LRCH1: variants seen among roughly 807,000 people sequenced by gnomAD.
LRCH1 encodes leucine rich repeats and calponin homology domain containing 1.
In LRCH1, 23 loss-of-function variants were observed where a neutral mutation model predicts 94.9. The observed-to-expected ratio is 0.24, with a 90% CI of 0.17 to 0.34. The LOEUF (loss-of-function observed/expected upper bound fraction) is 0.34, where lower values mean the gene tolerates loss of function less well. Ranked by LOEUF, LRCH1 falls within the 10% of genes least tolerant of loss-of-function variation. The probability of loss-of-function intolerance (pLI) is 1.00; values close to 1 mark genes in which losing one functional copy is unlikely to be tolerated. For missense variants in LRCH1, 790 were observed against 945.9 expected (o/e 0.84, Z 2.16); for synonymous variants, 364 against 354.9 (o/e 1.03, Z -0.29).
chr13:46,677,255 CAAA>C (rs67827727), intron 3 of LRCH1, among the ~76,000 whole-genome samples: 3,417 of 98,044 alleles, frequency 0.035, 121 homozygotes, highest in African/African-American at 0.12. Flanking sequence ...ACTAAAAATA[CAAA>C]AAAAAAAAAA....
chr13:46,693,379 T>C (rs1012805461), intron 8 of LRCH1, among the ~76,000 whole-genome samples: 2 of 152,172 alleles, frequency 1.3e-5, no homozygotes, highest in Admixed American at 6.5e-5. Context: ...TTCATGTCCA[T>C]CTGTTTTAAG....
chr13:46,576,514 A>G (rs1053439187), intron 1 of LRCH1, among the ~76,000 whole-genome samples: 1 of 152,136 alleles, frequency 6.6e-6, no homozygotes, highest in African/African-American at 2.4e-5. Flanking sequence ...CAAGGAGGCT[A>G]TCACAACATG....
intron 2 of LRCH1, among the ~76,000 whole-genome samples, chr13:46,654,902 A>G (rs1400647239): frequency 6.6e-6 from 1 of 152,248 alleles, no homozygotes; most frequent in Non-Finnish European, 1.5e-5. Flanking sequence ...AAATTTTCAC[A>G]GATTTTGTCT....
At position 46,744,750 on chromosome 13, in the gene LRCH1, A is replaced by G. The variant is rs1873838104; in HGVS notation, c.*2902A>G. On this transcript the variant is annotated 3_prime_UTR_variant, in exon 20 of 20. Transcript: ENST00000389797. ...CTTTGCCTGTGGGGAAAAAGTAGGG[A>G]TGATATTTTAAAATTTTAAGAAACT... 1.0e-6 allele frequency: 1 copy of G among 985,246 alleles called. No individual in the cohort carries two copies. Among genetic ancestry groups the G allele is most frequent in the South Asian group, 4.7e-5 (1 of 21,286 alleles). The allele number at this position is 985,246 out of a possible 1,614,324, so 61.0% of individuals were successfully genotyped here. A position where few individuals can be genotyped will look rare whatever the true frequency, so the allele number is the denominator to read the frequency against.
intron 6 of LRCH1, 80 bp from the exon 7 acceptor site, chr13:46,689,053 A>T: frequency 1.8e-6 from 2 of 1,107,056 alleles, no homozygotes; most frequent in Non-Finnish European, 2.7e-6. Flanking sequence ...TTATTAGAAT[A>T]TAAATTGATG....
intron 3 of LRCH1, 77 bp from the exon 4 acceptor site, chr13:46,681,664 C>A: frequency 1.0e-6 from 1 of 987,370 alleles, no homozygotes; most frequent in Non-Finnish European, 1.6e-6. Flanking sequence ...ATTTAAATTC[C>A]TTAAGGAGAT....
intron 16 of LRCH1, among the ~76,000 whole-genome samples, chr13:46,721,812 C>G (rs1159838681): frequency 6.6e-6 from 1 of 152,214 alleles, no homozygotes; most frequent in Non-Finnish European, 1.5e-5. Context: ...TCTCCATTAA[C>G]TCTCAAGTCG....
chr13:46,668,895 A>C (rs2051559860), intron 2 of LRCH1, 135 bp from the exon 3 acceptor site: 3 of 786,470 alleles, frequency 3.8e-6, no homozygotes, highest in Non-Finnish European at 5.9e-6. Flanking sequence ...TCACACAGAA[A>C]ATATATTGGA....
chr13:46,607,334 A>AG (rs2050698589), intron 1 of LRCH1, among the ~76,000 whole-genome samples: 1 of 152,234 alleles, frequency 6.6e-6, no homozygotes, highest in African/African-American at 2.4e-5. Context: ...ACCTGTTGGA[A>AG]GGGGTCTCTT....
chr13:46,733,336 A>G (rs1873205893), intron 18 of LRCH1, among the ~76,000 whole-genome samples: 2 of 152,132 alleles, frequency 1.3e-5, no homozygotes. Flanking sequence ...CTGAACATCC[A>G]CCATTTTCAG....
intron 18 of LRCH1, among the ~76,000 whole-genome samples, chr13:46,729,831 G>A (rs1032753456): frequency 1.3e-5 from 2 of 152,188 alleles, no homozygotes; most frequent in African/African-American, 2.4e-5. Context: ...TAGCAGTCAT[G>A]ACTTCAACAA....
chr13:46,623,988 A>T (rs1476120129), intron 1 of LRCH1, among the ~76,000 whole-genome samples: 1 of 150,404 alleles, frequency 6.6e-6, no homozygotes, highest in Non-Finnish European at 1.5e-5. Context: ...GGCTCAATCG[A>T]TCCTCCCGCC....
chr13:46,579,773 C>G (rs1006844677), intron 1 of LRCH1, among the ~76,000 whole-genome samples: 1 of 152,156 alleles, frequency 6.6e-6, no homozygotes, highest in Non-Finnish European at 1.5e-5. Context: ...CTGAGTAATG[C>G]GAACATCTGA....
chr13:46,628,531 C>G (rs575073864), intron 1 of LRCH1, among the ~76,000 whole-genome samples: 2 of 151,966 alleles, frequency 1.3e-5, no homozygotes, highest in Non-Finnish European at 2.9e-5. Flanking sequence ...GTGGCACGCA[C>G]CAGTAGTCCC....
At chr13:46,582,648 C>CATTTTTTTTTTTT (rs2050383964) in intron 1 of LRCH1, among the ~76,000 whole-genome samples, 1 of 23,332 alleles carries the variant, frequency 4.3e-5, no homozygotes, top group Non-Finnish European at 8.0e-5. Flanking sequence ...CCATGCCCAG[C>CATTTTTTTTTTTT]TTTTTTTTTT....
At chr13:46,691,263 A>C (rs1438430899) in intron 7 of LRCH1, among the ~76,000 whole-genome samples, 1 of 152,248 alleles carries the variant, frequency 6.6e-6, no homozygotes, top group African/African-American at 2.4e-5. Flanking sequence ...TCAGAATCAT[A>C]GGTTTTCTGA....
At chr13:46,682,437 A>G (rs1391732850) in intron 4 of LRCH1, among the ~76,000 whole-genome samples, 2 of 152,144 alleles carry the variant, frequency 1.3e-5, no homozygotes, top group Admixed American at 1.3e-4. Flanking sequence ...GAGGTAATAG[A>G]GGTTAGGACT....
At chr13:46,570,875 C>T (rs987666556) in intron 1 of LRCH1, among the ~76,000 whole-genome samples, 1 of 152,180 alleles carries the variant, frequency 6.6e-6, no homozygotes, top group Non-Finnish European at 1.5e-5. Context: ...AATTAAAAGA[C>T]AGGAGAAGAT....
chr13:46,611,164 T>G (rs2050743464), intron 1 of LRCH1, among the ~76,000 whole-genome samples: 1 of 152,198 alleles, frequency 6.6e-6, no homozygotes. Context: ...AGAACCAATT[T>G]TGCAGTTGTC....
Sources: gnomAD v4.1 joint callset for allele counts (sites outside exome capture counted in the v4.1 genomes callset) on GRCh38, gnomAD v4.1.1 for gene constraint, MANE v1.5 for transcripts, NCBI Gene and HGNC (gene_info 2026-07-23, HGNC 2026-07-21) for gene names.